Variants in METTL15 observed in about 807,000 individuals in gnomAD.
The protein encoded by METTL15 is 12S rRNA N(4)-cytidine methyltransferase METTL15.
METTL15 carries 34 observed loss-of-function variants against 38.3 expected under a neutral mutation model. That is an observed-to-expected ratio of 0.89 (90% CI 0.68 to 1.18). The LOEUF (loss-of-function observed/expected upper bound fraction) is 1.18. Among genes scored for constraint, METTL15 ranks in the 50% most tolerant of loss-of-function variants. The pLI, the probability that METTL15 is intolerant of heterozygous loss-of-function variation, is 0.00. For missense variants in METTL15, 438 were observed against 498.4 expected, an observed-to-expected ratio of 0.88 and a Z score of 1.15; for synonymous variants, 162 against 170.9, an observed-to-expected ratio of 0.95 and a Z score of 0.41.
chr11:28,266,633 A>G (rs568618115), intron 4 of METTL15, among the ~76,000 whole-genome samples: 1 of 152,186 alleles, frequency 6.6e-6, no homozygotes, highest in East Asian at 1.9e-4. Flanking sequence ...CAGAAATCTT[A>G]TTGCCTCTAA....
intron 4 of METTL15, chr11:28,287,380 G>T: frequency 2.9e-6 from 1 of 344,136 alleles, no homozygotes; most frequent in Non-Finnish European, 5.7e-6. Context: ...AGATCTTTGA[G>T]TTGTACATCA....
At chr11:28,430,874 G>A (rs1316495812) in intron 6 of METTL15, among the ~76,000 whole-genome samples, 35 of 117,752 alleles carry the variant, frequency 3.0e-4, no homozygotes, top group African/African-American at 1.1e-3. Context: ...CCCCCCGCCC[G>A]GCCAGCCGCC....
chr11:28,173,216 A>G (rs777023891), intron 3 of METTL15, among the ~76,000 whole-genome samples: 21 of 152,168 alleles, frequency 1.4e-4, no homozygotes, highest in African/African-American at 4.3e-4. Flanking sequence ...CCACAAATTC[A>G]TATGTTGCAA....
At chr11:28,314,627 G>T (rs1206268925) in intron 6 of METTL15, among the ~76,000 whole-genome samples, 2 of 152,154 alleles carry the variant, frequency 1.3e-5, no homozygotes, top group East Asian at 3.9e-4. Context: ...TAGGTAATGG[G>T]AATCATGATT....
intron 6 of METTL15, among the ~76,000 whole-genome samples, chr11:28,465,189 A>G (rs1851246870): frequency 6.6e-6 from 1 of 152,088 alleles, no homozygotes; most frequent in Non-Finnish European, 1.5e-5. Flanking sequence ...TTCAACGGTA[A>G]TGACCACTTC....
intron 6 of METTL15, among the ~76,000 whole-genome samples, chr11:28,298,794 TA>T (rs1467651040): frequency 6.6e-6 from 1 of 152,078 alleles, no homozygotes; most frequent in Non-Finnish European, 1.5e-5. Context: ...AATATCAGTC[TA>T]TAATAATACA....
intron 6 of METTL15, chr11:28,477,348 TG>T (rs1183972431): frequency 6.6e-6 from 1 of 152,174 alleles, no homozygotes; most frequent in East Asian, 1.9e-4. Flanking sequence ...GGCTAATTTT[TG>T]TGGGTTTTTT....
Position 28,419,415 on chromosome 11 carries a change from G to A in METTL15, c.*359-4884G>A, listed in dbSNP as rs148647613. On this transcript the variant is annotated intron_variant and NMD_transcript_variant, in intron 5 of 7. Transcript: ENST00000532947. ...GACCACCAAGGAGGTATCTCTACAC[G>A]TCTACAACAACCACAGTGCTACTGA... Among the ~76,000 whole-genome samples the A allele has an allele frequency of 2.3e-4, 35 of 152,234 alleles. No homozygotes were observed. In the East Asian group the frequency reaches 4.4e-3, roughly 19 times the overall value.
intron 3 of METTL15, among the ~76,000 whole-genome samples, chr11:28,129,407 C>CTTTTTTTTTTTTT (rs71449170): frequency 7.0e-6 from 1 of 143,772 alleles, no homozygotes; most frequent in Non-Finnish European, 1.5e-5. Flanking sequence ...TATAAAATTA[C>CTTTTTTTTTTTTT]TTTTTTTTTT....
chr11:28,200,162 G>A lies in METTL15; in HGVS notation c.271-10900G>A, dbSNP rs761786479. On this transcript the variant is annotated intron_variant, in intron 3 of 6. Coordinates refer to ENST00000407364, the MANE Select transcript of METTL15 (RefSeq NM_001113528.2). ...ACCACATCTAATTTATTCTACTTCT[G>A]TGAAAAAGCAAAGTAGGTAATTGTG... Among the ~76,000 whole-genome samples, 6 of 152,142 alleles carry A rather than the reference G, an allele frequency of 3.9e-5. No individual in the cohort carries two copies. The South Asian group carries it at 8.3e-4, about 21-fold the overall frequency.
At chr11:28,301,198 A>G (rs35357280) in intron 6 of METTL15, among the ~76,000 whole-genome samples, 22,660 of 152,034 alleles carry the variant, frequency 0.15, 2,127 homozygotes, top group Non-Finnish European at 0.21. Flanking sequence ...TAGTCTTTCC[A>G]GCACACCATA....
chr11:28,398,909 A>G (rs1446452918), intron 5 of METTL15: 1 of 152,046 alleles, frequency 6.6e-6, no homozygotes, highest in Admixed American at 6.6e-5. Flanking sequence ...ATTCCCCTCA[A>G]GCTACCATTG....
chr11:28,398,462 C>T (rs533277811), intron 5 of METTL15, among the ~76,000 whole-genome samples: 3 of 151,922 alleles, frequency 2.0e-5, no homozygotes, highest in South Asian at 2.1e-4. Context: ...GTATGCTGGC[C>T]GCATAGATGT....
At chr11:28,385,516 C>T (rs1050413624) in intron 5 of METTL15, among the ~76,000 whole-genome samples, 1 of 151,952 alleles carries the variant, frequency 6.6e-6, no homozygotes, top group Non-Finnish European at 1.5e-5. Flanking sequence ...TGTTTTTGTA[C>T]TAGTACCATG....
chr11:28,294,510 G>C (rs1856654537), intron 5 of METTL15, among the ~76,000 whole-genome samples: 1 of 152,140 alleles, frequency 6.6e-6, no homozygotes. Context: ...TTATAGTAAG[G>C]TTTCTCATGT....
intron 3 of METTL15, among the ~76,000 whole-genome samples, chr11:28,343,036 G>T (rs1411301987): frequency 6.6e-6 from 1 of 152,062 alleles, no homozygotes; most frequent in African/African-American, 2.4e-5. Flanking sequence ...TATTCTTTAT[G>T]ATTCTGCTTT....
At chr11:28,334,006 AAAAT>A (rs1849877350), downstream of METTL15, among the ~76,000 whole-genome samples, 1 of 151,888 alleles carries the variant, frequency 6.6e-6, no homozygotes, top group Non-Finnish European at 1.5e-5. Flanking sequence ...AGACTTTTAA[AAAAT>A]AATTTTACTT....
intron 6 of METTL15, among the ~76,000 whole-genome samples, chr11:28,465,701 A>G (rs927178639): frequency 6.6e-6 from 1 of 151,920 alleles, no homozygotes; most frequent in African/African-American, 2.4e-5. Context: ...TTGATTCACT[A>G]CTCATCTGTT....
chr11:28,361,870 G>A (rs541268006), intron 4 of METTL15: 4 of 152,160 alleles, frequency 2.6e-5, no homozygotes, highest in Admixed American at 6.5e-5. Flanking sequence ...TTTGTAAGAC[G>A]GACGTTAGTA....
Sources: allele counts gnomAD v4.1 joint callset (sites outside exome capture counted in the v4.1 genomes callset), GRCh38; gene constraint gnomAD v4.1.1; transcripts MANE v1.5; gene names NCBI Gene and HGNC (gene_info 2026-07-23, HGNC 2026-07-21).